Variants in ESRRG observed in about 807,000 individuals in gnomAD.
ESRRG encodes estrogen-related receptor gamma.
A neutral mutation model predicts 44.0 loss-of-function variants in ESRRG; 13 were observed. The ratio of observed to expected loss-of-function variants is 0.30; its 90% CI spans 0.19 to 0.47. ESRRG has a LOEUF of 0.47. Ranked by LOEUF, ESRRG falls within the 20% of genes least tolerant of loss-of-function variation. The probability of loss-of-function intolerance (pLI) is 1.00; values close to 1 mark genes in which losing one functional copy is unlikely to be tolerated. For missense variants in ESRRG, 395 were observed against 580.6 expected (o/e 0.68, Z 3.29); for synonymous variants, 215 against 214.6 (o/e 1.00, Z -0.02).
chr1:216,806,931 G>A (rs1374039798), intron 2 of ESRRG, among the ~76,000 whole-genome samples: 1 of 152,118 alleles, frequency 6.6e-6, no homozygotes, highest in Non-Finnish European at 1.5e-5. Flanking sequence ...GGCACCTGTG[G>A]GCTAGTAAAG....
At chr1:216,722,813 T>C (rs1466658085) in intron 1 of ESRRG, among the ~76,000 whole-genome samples, 2 of 152,196 alleles carry the variant, frequency 1.3e-5, no homozygotes, top group African/African-American at 2.4e-5. Context: ...GACAAGGAGC[T>C]GAAAATATCT....
chr1:216,828,538 T>A (rs1326618915), intron 2 of ESRRG, among the ~76,000 whole-genome samples: 1 of 152,110 alleles, frequency 6.6e-6, no homozygotes, highest in East Asian at 1.9e-4. Flanking sequence ...ACAAGGAAGA[T>A]CAAAATCATG....
chr1:216,546,146 G>A (rs1473757770), intron 5 of ESRRG, among the ~76,000 whole-genome samples: 2 of 151,984 alleles, frequency 1.3e-5, no homozygotes, highest in Admixed American at 6.6e-5. Context: ...GCTATTTAGC[G>A]GCAGCTCTGG....
rs71163765 is a variant in ESRRG at position 216,775,551 on chromosome 1, C to CTTTTTTTTTTTT, written c.-13-98072_-13-98061dup. On this transcript the variant is annotated intron_variant, in intron 2 of 7. Transcript: ENST00000359162. ...TTCCCACCTAAATAAAATGTCACAT[C>CTTTTTTTTTTTT]TTTTTTTTTTTTTTTTTTTTTTTTT... Among the ~76,000 whole-genome samples, 16 of 74,832 alleles carry CTTTTTTTTTTTT rather than the reference C, an allele frequency of 2.1e-4. 4 individuals are homozygous for CTTTTTTTTTTTT. Among genetic ancestry groups the CTTTTTTTTTTTT allele is most frequent in the East Asian group, 3.7e-4 (1 of 2,676 alleles). 49.1% of individuals were successfully genotyped at this position (74,832 alleles called of 152,430 possible). A position where few individuals can be genotyped will look rare whatever the true frequency, so the allele number is the denominator to read the frequency against.
At chr1:216,713,403 C>T (rs543664751) in intron 1 of ESRRG, among the ~76,000 whole-genome samples, 2 of 150,566 alleles carry the variant, frequency 1.3e-5, no homozygotes, top group Admixed American at 6.6e-5. Flanking sequence ...GGAGTTTGCT[C>T]GTTCAGCACA....
chr1:217,117,908 T>A (rs6674783), intron 1 of ESRRG, among the ~76,000 whole-genome samples: 6,043 of 152,274 alleles, frequency 0.04, 168 homozygotes, highest in African/African-American at 0.07. Context: ...TATTTAATGC[T>A]TCATCAAAAA....
At chr1:217,002,173 A>G (rs1193395713) in intron 1 of ESRRG, among the ~76,000 whole-genome samples, 1 of 151,850 alleles carries the variant, frequency 6.6e-6, no homozygotes, top group African/African-American at 2.4e-5. Context: ...ATGGTGGTAC[A>G]TATCTGTAAT....
chr1:216,960,376 C>A (rs1220442761), intron 1 of ESRRG, among the ~76,000 whole-genome samples: 1 of 152,174 alleles, frequency 6.6e-6, no homozygotes, highest in Admixed American at 6.5e-5. Flanking sequence ...CTGCATTCCT[C>A]ACCAGAAGTA....
At chr1:216,577,064 C>T (rs1317175564) in intron 3 of ESRRG, among the ~76,000 whole-genome samples, 1 of 151,888 alleles carries the variant, frequency 6.6e-6, no homozygotes, top group African/African-American at 2.4e-5. Flanking sequence ...GCATCCAGAA[C>T]ATTACATTAA....
chr1:216,525,562 T>C (rs2047404439), intron 5 of ESRRG, among the ~76,000 whole-genome samples: 1 of 152,148 alleles, frequency 6.6e-6, no homozygotes, highest in Non-Finnish European at 1.5e-5. Context: ...TCCTACAACC[T>C]TTATTTTTTA....
intron 2 of ESRRG, among the ~76,000 whole-genome samples, chr1:216,904,845 G>C (rs901275552): frequency 6.6e-6 from 1 of 152,116 alleles, no homozygotes; most frequent in African/African-American, 2.4e-5. Flanking sequence ...TCTTTGCACT[G>C]AACAGTGATA....
chr1:216,874,157 T>G (rs1021972502), intron 2 of ESRRG, among the ~76,000 whole-genome samples: 1 of 152,078 alleles, frequency 6.6e-6, no homozygotes, highest in Non-Finnish European at 1.5e-5. Context: ...GTTTCAACTA[T>G]GAGATCAAGT....
intron 2 of ESRRG, among the ~76,000 whole-genome samples, chr1:216,754,066 A>AT (rs1353863264): frequency 1.3e-5 from 2 of 151,940 alleles, no homozygotes; most frequent in Non-Finnish European, 1.5e-5. Flanking sequence ...TTTTACTGCC[A>AT]TTTTTTTCTT....
intron 1 of ESRRG, among the ~76,000 whole-genome samples, chr1:216,697,037 C>T: frequency 6.6e-6 from 1 of 151,722 alleles, no homozygotes; most frequent in Admixed American, 6.6e-5. Context: ...ATGATCCTGG[C>T]TCACTGCAAC....
intron 3 of ESRRG, among the ~76,000 whole-genome samples, chr1:216,595,312 G>A (rs1462908389): frequency 6.6e-6 from 1 of 152,102 alleles, no homozygotes; most frequent in Admixed American, 6.6e-5. Context: ...AAGAACTCAG[G>A]TTAGCTCAAA....
intron 5 of ESRRG, among the ~76,000 whole-genome samples, chr1:216,523,920 A>T (rs981688632): frequency 5.3e-5 from 8 of 151,732 alleles, no homozygotes; most frequent in African/African-American, 1.9e-4. Flanking sequence ...ATAATGACTC[A>T]CTGAGATCAC....
chr1:216,565,887 A>T (rs977476709), intron 4 of ESRRG, among the ~76,000 whole-genome samples: 1 of 152,166 alleles, frequency 6.6e-6, no homozygotes, highest in Non-Finnish European at 1.5e-5. Context: ...TGACAATGCA[A>T]CAAAACCTGT....
Position 217,069,712 on chromosome 1 carries a change from C to T in ESRRG, c.-106+19795G>A, listed in dbSNP as rs115193491. Among the ~76,000 whole-genome samples the T allele has an allele frequency of 3.7e-3, 565 of 152,220 alleles. 5 individuals are homozygous for T. The highest frequency in any genetic ancestry group is 0.013 in the African/African-American group (541 of 41,522). ...GGAAGTACCTCTCAGAAGGGAATTC[C>T]GTCTGCTCTACAGAGTGCCAGTCGG... is the stretch of plus-strand genomic sequence containing the variant. On this transcript the variant is annotated intron_variant, in intron 1 of 7. Transcript: ENST00000359162.
chr1:216,584,345 C>A (rs1231506135), intron 3 of ESRRG, among the ~76,000 whole-genome samples: 1 of 151,766 alleles, frequency 6.6e-6, no homozygotes, highest in African/African-American at 2.4e-5. Context: ...CAGGCTCTGC[C>A]CGCCGGGTTC....
Sources: allele counts gnomAD v4.1 joint callset (sites outside exome capture counted in the v4.1 genomes callset), GRCh38; gene constraint gnomAD v4.1.1; transcripts MANE v1.5; gene names NCBI Gene and HGNC (gene_info 2026-07-23, HGNC 2026-07-21).